The following GLMN variants were observed in gnomAD, a reference collection of about 807,000 sequenced individuals.
GLMN encodes glomulin, FKBP associated protein.
In GLMN, 75 loss-of-function variants were observed where a neutral mutation model predicts 87.8. The observed-to-expected ratio is 0.85, with a 90% CI of 0.71 to 1.04. The LOEUF (loss-of-function observed/expected upper bound fraction) is 1.04, where lower values mean the gene tolerates loss of function less well. Among genes scored for constraint, GLMN ranks in the 50% least tolerant of loss-of-function variants. The probability of loss-of-function intolerance (pLI) is 0.00; values close to 1 mark genes in which losing one functional copy is unlikely to be tolerated. For synonymous variants in GLMN, 206 were observed against 221.6 expected (o/e 0.93, Z 0.63); for missense variants, 588 against 658.8 (o/e 0.89, Z 1.18).
the GLMN span, chr1:92,333,143 G>T: frequency 2.4e-6 from 1 of 417,078 alleles, no homozygotes. Flanking sequence ...TTTAATAAAG[G>T]AGGTATTAAT....
intron 3 of GLMN, among the ~76,000 whole-genome samples, chr1:92,296,237 G>T (rs1650033838): frequency 1.3e-5 from 2 of 152,158 alleles, no homozygotes; most frequent in African/African-American, 4.8e-5. Flanking sequence ...TGCAAATGAA[G>T]AAAGAGTGTG....
intron 3 of GLMN, among the ~76,000 whole-genome samples, chr1:92,293,399 G>A (rs748644279): frequency 6.6e-5 from 10 of 152,080 alleles, no homozygotes; most frequent in Non-Finnish European, 1.5e-4. Flanking sequence ...TCCACCTCCT[G>A]GGTTCACGTC....
At chr1:92,324,555 A>G in the GLMN span, among the ~76,000 whole-genome samples, 52 of 152,348 alleles carry the variant, frequency 3.4e-4, no homozygotes, top group African/African-American at 1.3e-3. Context: ...TATTTTACAA[A>G]TAAGTTGACG....
At chr1:92,251,705 C>T (rs1653522279) in intron 16 of GLMN, among the ~76,000 whole-genome samples, 1 of 151,890 alleles carries the variant, frequency 6.6e-6, no homozygotes, top group Non-Finnish European at 1.5e-5. Context: ...AAACTTTCCT[C>T]TTGTAGAAGT....
the GLMN span, among the ~76,000 whole-genome samples, chr1:92,347,882 G>T: frequency 6.6e-6 from 1 of 151,946 alleles, no homozygotes. Flanking sequence ...TTACTGTAGT[G>T]TATCGCATGT....
At chr1:92,339,795 T>C in the GLMN span, among the ~76,000 whole-genome samples, 1 of 152,184 alleles carries the variant, frequency 6.6e-6, no homozygotes, top group African/African-American at 2.4e-5. Context: ...GACATTCAAC[T>C]GCCCTTTTCC....
intron 6 of GLMN, among the ~76,000 whole-genome samples, 168 bp from the exon 7 acceptor site, chr1:92,286,760 G>A (rs912504348): frequency 2.0e-5 from 3 of 152,172 alleles, no homozygotes; most frequent in Non-Finnish European, 4.4e-5. Flanking sequence ...ATAAGGAGGT[G>A]GGAATTAGGC....
the GLMN span, among the ~76,000 whole-genome samples, chr1:92,348,495 C>T: frequency 4.6e-5 from 7 of 152,186 alleles, no homozygotes; most frequent in Non-Finnish European, 7.3e-5. Context: ...TCTTTTCATT[C>T]TGCATTTGCA....
chr1:92,266,730 T>C lies in GLMN; in HGVS notation c.1110A>G (p.Lys370=). 6.2e-7 allele frequency: 1 copy of C among 1,601,938 alleles called. No individual in the cohort carries two copies. Among genetic ancestry groups the C allele is most frequent in the Non-Finnish European group, 8.5e-7 (1 of 1,169,952 alleles). Residue 370 remains lysine (K), a synonymous_variant, in exon 12 of 19, where the codon AAA becomes AAG. Transcript: ENST00000370360. The part of the protein sequence containing the change: ...SFLTVPQGLV[K]VMTLCPIETL... ...TCTCAATGGGGCAAAGTGTCATTAC[T>C]TTCACTAAGCCCTGGAAATAAAAAA...
At chr1:92,303,931 C>T (rs961977247), upstream of GLMN, 1 of 1,356,958 alleles carries the variant, frequency 7.4e-7, no homozygotes, top group African/African-American at 1.5e-5. Context: ...GATAAATGAA[C>T]TTTTCTATTA....
chr1:92,323,507 A>G, the GLMN span: 2 of 1,613,818 alleles, frequency 1.2e-6, no homozygotes, highest in African/African-American at 2.7e-5. Flanking sequence ...GATATCGACA[A>G]TCCTAGCCAC....
At chr1:92,323,581 C>T in the GLMN span, 32 of 1,613,856 alleles carry the variant, frequency 2.0e-5, no homozygotes, top group Non-Finnish European at 2.7e-5. Flanking sequence ...TGACAATGAG[C>T]AAGACTTTGT....
chr1:92,251,339 T>C (rs1379444669), intron 16 of GLMN, among the ~76,000 whole-genome samples: 2 of 152,132 alleles, frequency 1.3e-5, no homozygotes, highest in Non-Finnish European at 2.9e-5. Context: ...TTGATAAAGT[T>C]GCCAAGATAA....
At chr1:92,301,338 T>C (rs1195823068), upstream of GLMN, 2 of 358,836 alleles carry the variant, frequency 5.6e-6, no homozygotes, top group East Asian at 5.0e-5. Context: ...AAGAAATAAA[T>C]ATTTTTATTC....
chr1:92,291,620 G>T, intron 3 of GLMN, 83 bp from the exon 4 acceptor site: 1 of 1,356,876 alleles, frequency 7.4e-7, no homozygotes, highest in Non-Finnish European at 1.1e-6. Context: ...GAAGAGCTCA[G>T]AATTGTTTCT....
rs141613495 is a variant in GLMN at position 92,280,253 on chromosome 1, A to T, written c.735+6237T>A. Among the ~76,000 whole-genome samples the T allele has an allele frequency of 1.5e-3, 225 of 152,292 alleles. 2 individuals carry two copies. The highest frequency in any genetic ancestry group is 5.0e-3 in the African/African-American group (209 of 41,564). Reference sequence around the variant, plus strand: ...AAACAGGCGGGTGCCCCTCTGGGACAAAGCTTCCAGAGGAAGGATCAGGCA... The same window carrying T: ...AAACAGGCGGGTGCCCCTCTGGGACTAAGCTTCCAGAGGAAGGATCAGGCA... On this transcript the variant is annotated intron_variant, in intron 7 of 18. Transcript: ENST00000370360.
At chr1:92,305,667 A>T in the GLMN span, among the ~76,000 whole-genome samples, 2 of 152,064 alleles carry the variant, frequency 1.3e-5, no homozygotes, top group Non-Finnish European at 2.9e-5. Context: ...TATAAGAAAA[A>T]GACAGACAAA....
intron 11 of GLMN, among the ~76,000 whole-genome samples, chr1:92,267,539 T>C (rs978536792): frequency 6.6e-6 from 1 of 151,616 alleles, no homozygotes; most frequent in Admixed American, 6.6e-5. Context: ...CCGTCTCTAC[T>C]ATAAATACAA....
At chr1:92,267,788 A>G in intron 11 of GLMN, 125 bp downstream of exon 11, 1 of 691,908 alleles carries the variant, frequency 1.4e-6, no homozygotes, top group Non-Finnish European at 2.6e-6. Flanking sequence ...TCTACTGGAC[A>G]GCATTACACC....
Sources: allele counts gnomAD v4.1 joint callset (sites outside exome capture counted in the v4.1 genomes callset), GRCh38; gene constraint gnomAD v4.1.1; transcripts MANE v1.5; gene names NCBI Gene and HGNC (gene_info 2026-07-23, HGNC 2026-07-21).